Variants in COG5 observed in about 807,000 individuals in gnomAD.
COG5 encodes component of oligomeric golgi complex 5.
In COG5, 86 loss-of-function variants were observed where a neutral mutation model predicts 110.4. That is an observed-to-expected ratio of 0.78 (90% CI 0.65 to 0.93). The LOEUF (loss-of-function observed/expected upper bound fraction) is 0.93, where lower values mean the gene tolerates loss of function less well. COG5 is among the 40% of genes least tolerant of loss of function. The pLI, the probability that COG5 is intolerant of heterozygous loss-of-function variation, is 0.00. For synonymous variants in COG5, 360 were observed against 334.6 expected (o/e 1.08, Z -0.83); for missense variants, 1,077 against 987.0 (o/e 1.09, Z -1.22).
intron 12 of COG5, among the ~76,000 whole-genome samples, chr7:107,285,961 TATGATA>T (rs1805593166): frequency 1.3e-5 from 2 of 151,886 alleles, no homozygotes; most frequent in South Asian, 2.1e-4. Flanking sequence ...AAATATGGAA[TATGATA>T]ATGATAAGTG....
At chr7:107,296,839 G>A (rs1209333573) in intron 12 of COG5, among the ~76,000 whole-genome samples, 1 of 152,104 alleles carries the variant, frequency 6.6e-6, no homozygotes, top group Non-Finnish European at 1.5e-5. Flanking sequence ...CAGCACCCAT[G>A]AGTCTATCCA....
chr7:107,473,955 A>ATTTTTTTTTTTTTTTTTTTTTTTT, intron 6 of COG5: 1 of 525,380 alleles, frequency 1.9e-6, no homozygotes, highest in Non-Finnish European at 3.3e-6. Flanking sequence ...CAATTGAAAG[A>ATTTTTTTTTTTTTTTTTTTTTTTT]TTTTTTTTCT....
At chr7:107,349,777 C>A (rs1259749008) in intron 10 of COG5, among the ~76,000 whole-genome samples, 1 of 152,180 alleles carries the variant, frequency 6.6e-6, no homozygotes, top group African/African-American at 2.4e-5. Flanking sequence ...ACAGGATGGT[C>A]TCGATCTCCT....
chr7:107,295,058 CACACACACAT>C (rs1274035439), intron 12 of COG5, among the ~76,000 whole-genome samples: 191 of 62,066 alleles, frequency 3.1e-3, no homozygotes, highest in Middle Eastern at 7.0e-3. Flanking sequence ...CACACACACA[CACACACACAT>C]ATATATATAT....
intron 7 of COG5, among the ~76,000 whole-genome samples, chr7:107,382,791 G>T (rs1815240508): frequency 6.6e-6 from 1 of 152,126 alleles, no homozygotes. Context: ...TAACAAACAT[G>T]AGGACTGGAG....
intron 14 of COG5, among the ~76,000 whole-genome samples, chr7:107,271,053 G>A (rs1457052608): frequency 6.6e-6 from 1 of 151,770 alleles, no homozygotes; most frequent in African/African-American, 2.4e-5. Flanking sequence ...TTATGTAGTA[G>A]AGCAAATCGC....
At chr7:107,348,099 C>T (rs1400779193) in intron 10 of COG5, among the ~76,000 whole-genome samples, 1 of 123,158 alleles carries the variant, frequency 8.1e-6, no homozygotes, top group Non-Finnish European at 1.6e-5. Context: ...GAACTCCAGC[C>T]TGGGTGACAG....
chr7:107,541,523 A>AAAAAAAAAAAAAAAAATATAT (rs60423657), intron 5 of COG5, among the ~76,000 whole-genome samples: 2 of 57,028 alleles, frequency 3.5e-5, no homozygotes, highest in Admixed American at 2.4e-4. Context: ...AAAAAAAAAA[A>AAAAAAAAAAAAAAAAATATAT]ATATATATAT....
chr7:107,521,219 A>AGGGCAT, intron 6 of COG5, among the ~76,000 whole-genome samples: 1 of 152,336 alleles, frequency 6.6e-6, no homozygotes, highest in Non-Finnish European at 1.5e-5. Flanking sequence ...AAGACCATTC[A>AGGGCAT]GGGCATGGGC....
At chr7:107,433,162 T>G (rs1794140901) in intron 6 of COG5, among the ~76,000 whole-genome samples, 1 of 152,184 alleles carries the variant, frequency 6.6e-6, no homozygotes, top group African/African-American at 2.4e-5. Flanking sequence ...TTCTGAACAC[T>G]ACAAAGTATG....
chr7:107,462,872 T>G (rs1796084324), intron 6 of COG5, among the ~76,000 whole-genome samples: 1 of 152,186 alleles, frequency 6.6e-6, no homozygotes, highest in Admixed American at 6.5e-5. Context: ...CAATTTGCAG[T>G]CCCAAAGAAA....
chr7:107,378,358 C>T (rs1188393964), intron 7 of COG5, among the ~76,000 whole-genome samples: 1 of 152,136 alleles, frequency 6.6e-6, no homozygotes, highest in Admixed American at 6.5e-5. Flanking sequence ...ACCAGAATGC[C>T]TCTTCTCTTC....
At chr7:107,327,358 A>C (rs190347884) in intron 10 of COG5, among the ~76,000 whole-genome samples, 2 of 152,300 alleles carry the variant, frequency 1.3e-5, no homozygotes, top group East Asian at 3.9e-4. Context: ...AAAACATAGG[A>C]GAAAAGCTCT....
At chr7:107,229,352 G>A (rs549088095) in intron 19 of COG5, among the ~76,000 whole-genome samples, 1 of 152,270 alleles carries the variant, frequency 6.6e-6, no homozygotes, top group East Asian at 1.9e-4. Flanking sequence ...AGGAGGCAGA[G>A]ACAGGAGAAT....
chr7:107,432,104 C>T (rs1794065427), intron 6 of COG5, among the ~76,000 whole-genome samples: 1 of 151,842 alleles, frequency 6.6e-6, no homozygotes, highest in African/African-American at 2.4e-5. Context: ...TCCTTTGTAC[C>T]CATTACTGAG....
chr7:107,281,468 A>C (rs1805160792), intron 13 of COG5, 69 bp from the exon 14 acceptor site: 5 of 1,154,868 alleles, frequency 4.3e-6, no homozygotes, highest in Non-Finnish European at 6.5e-6. Context: ...GAGCAAGATA[A>C]AAACTCAAAC....
At chr7:107,486,308 C>T (rs1370358576) in intron 6 of COG5, among the ~76,000 whole-genome samples, 1 of 152,024 alleles carries the variant, frequency 6.6e-6, no homozygotes, top group Non-Finnish European at 1.5e-5. Flanking sequence ...AGCAATCTCT[C>T]ACAATTTCCA....
chr7:107,363,934 A>C (rs574490663), intron 8 of COG5, among the ~76,000 whole-genome samples: 12 of 151,710 alleles, frequency 7.9e-5, no homozygotes, highest in Non-Finnish European at 1.8e-4. Flanking sequence ...CAGCCTGGGT[A>C]ACAAGAGCAA....
At chr7:107,292,748 AAGAGT>A (rs1328690348) in intron 12 of COG5, among the ~76,000 whole-genome samples, 1 of 152,192 alleles carries the variant, frequency 6.6e-6, no homozygotes, top group Non-Finnish European at 1.5e-5. Context: ...GAGAGAAGAT[AAGAGT>A]AATCACCCCA....
Sources: allele counts gnomAD v4.1 joint callset (sites outside exome capture counted in the v4.1 genomes callset), GRCh38; gene constraint gnomAD v4.1.1; transcripts MANE v1.5; gene names NCBI Gene and HGNC (gene_info 2026-07-23, HGNC 2026-07-21).